Variants in SIGLEC1 observed in about 807,000 individuals in gnomAD.
The protein encoded by SIGLEC1 is sialic acid binding Ig like lectin 1.
SIGLEC1 carries 132 observed loss-of-function variants against 148.0 expected under a neutral mutation model. The ratio of observed to expected loss-of-function variants is 0.89; its 90% CI spans 0.77 to 1.03. SIGLEC1 has a LOEUF of 1.03. Among genes scored for constraint, SIGLEC1 ranks in the 50% least tolerant of loss-of-function variants. The pLI is 0.00. For missense variants in SIGLEC1, 2,253 were observed against 2,271.4 expected (o/e 0.99, Z 0.16); for synonymous variants, 945 against 969.0 (o/e 0.98, Z 0.46).
At position 3,692,730 on chromosome 20, in the gene SIGLEC1, C is replaced by T. The variant is rs776601369; in HGVS notation, c.3821G>A (p.Gly1274Asp). 4 of 1,612,228 alleles carry T rather than the reference C, an allele frequency of 2.5e-6. No individual in the cohort carries two copies. Among genetic ancestry groups the T allele is most frequent in the Non-Finnish European group, 3.4e-6 (4 of 1,179,684 alleles). The change falls in exon 16 of 22, where the codon GGT becomes GAT. Residue 1274 changes from glycine to aspartate, a missense_variant. By Grantham distance (94) the Gly-to-Asp change is moderately conservative. Coordinates refer to ENST00000344754, the MANE Select transcript of SIGLEC1 (RefSeq NM_023068.4). ...CGCACAGGTCACTGTGATGGGGGCA[C>T]CTTCAGGCACGGCAGCCTCCGGAGC... Reference protein sequence around the residue: ...ILAPEAAVPEGAPITVTCADP... With the variant: ...ILAPEAAVPEDAPITVTCADP...
chr20:3,697,934 G>A lies in SIGLEC1; in HGVS notation c.1986C>T (p.Arg662=). The A allele has an allele frequency of 3.1e-6, 5 of 1,612,954 alleles. No homozygotes were observed. The highest frequency in any genetic ancestry group is 4.2e-6 in the Non-Finnish European group (5 of 1,179,932). The change falls in exon 9 of 22, where the codon CGC becomes CGT. Residue 662 remains arginine (R), a synonymous_variant. Transcript: ENST00000344754. ...AGTTGGGGGCTTTGGTGACCTTCAT[G>A]CGTGGGGAACAGCCCCCACAGGTGC... The part of the protein sequence containing the change: ...GCSTCGGCSP[R]MKVTKAPNLL...
chr20:3,696,045 G>C (rs1417369632), intron 11 of SIGLEC1, among the ~76,000 whole-genome samples: 4 of 151,526 alleles, frequency 2.6e-5, no homozygotes, highest in Non-Finnish European at 4.4e-5. Context: ...TGATCCGCCC[G>C]CCTCAGCCTC....
Position 3,692,154 on chromosome 20 carries a change from C to A in SIGLEC1, c.4079G>T (p.Arg1360Ile). 6.3e-7 allele frequency: 1 copy of A among 1,586,072 alleles called. No homozygotes were observed. Among genetic ancestry groups the A allele is most frequent in the Non-Finnish European group, 8.6e-7 (1 of 1,165,264 alleles). The change falls in exon 17 of 22, where the codon AGA becomes ATA. Residue 1360 changes from arginine to isoleucine, a missense_variant. By Grantham distance (97) the Arg-to-Ile change is moderately conservative. Coordinates refer to ENST00000344754, the MANE Select transcript of SIGLEC1 (RefSeq NM_023068.4). ...AGTGCACTGTATCACAGCCATGGAT[C>A]TGGCCCTGGAGTCCCGGAAGGAGGA... is the stretch of plus-strand genomic sequence containing the variant. ...VLSSFRDSRA[R>I]SMAVIQCTVD...
rs767126749 is a variant in SIGLEC1 at position 3,706,561 on chromosome 20, G to T, written c.195C>A (p.Gly65=). The part of the protein sequence containing the change: ...ITAIWYYDYS[G]QRQVVSHSAD... ...CCGAGTGGCTCACCACCTGCCGCTG[G>T]CCCGAGTAGTCGTAGTACCAGATGG... The change falls in exon 3 of 22, where the codon GGC becomes GGA. Residue 65 remains glycine (G), a synonymous_variant. Transcript: ENST00000344754. The T allele has an allele frequency of 6.2e-6, 10 of 1,612,766 alleles. No individual in the cohort carries two copies. In the South Asian group the frequency reaches 9.9e-5, roughly 16 times the overall value.
intron 9 of SIGLEC1, 92 bp downstream of exon 9, chr20:3,697,704 CAG>C: frequency 1.7e-6 from 2 of 1,172,094 alleles, no homozygotes; most frequent in Non-Finnish European, 2.5e-6. Context: ...CACTGCTGCA[CAG>C]AGTGGTTTTG....
chr20:3,699,364 G>A lies in SIGLEC1; in HGVS notation c.1624C>T (p.Arg542Cys), dbSNP rs771683884. The change falls in exon 8 of 22, where the codon CGC becomes TGC. Residue 542 changes from arginine (R) to cysteine (C), a missense_variant. By Grantham distance (180) the Arg-to-Cys change is radical. Transcript: ENST00000344754. ...GCTCCATTCAGGTACCAGGAGAAGC[G>A]GGCATCAGGTGTGGGGCTTAGGCCG... ...RSGLSPTPDARFSWYLNGALL... is the reference protein window; with the variant it reads ...RSGLSPTPDACFSWYLNGALL... 16 of 1,608,714 alleles carry A rather than the reference G, an allele frequency of 9.9e-6. No individual in the cohort carries two copies. Among genetic ancestry groups the A allele is most frequent in the Middle Eastern group, 1.6e-4 (1 of 6,076 alleles).
intron 17 of SIGLEC1, 116 bp downstream of exon 17, chr20:3,691,787 C>T: frequency 7.2e-7 from 1 of 1,391,222 alleles, no homozygotes; most frequent in Non-Finnish European, 9.8e-7. Context: ...GATTAGGCTT[C>T]TCAAGGCAGA....
chr20:3,688,731 G>T (rs2088724314), intron 21 of SIGLEC1, 112 bp from the exon 22 acceptor site: 4 of 791,318 alleles, frequency 5.1e-6, no homozygotes, highest in Non-Finnish European at 8.0e-6. Context: ...GTGCATGGCT[G>T]GAAGTGTGAC....
chr20:3,696,785 G>A lies in SIGLEC1; in HGVS notation c.2484C>T (p.Ala828=), dbSNP rs754279069. 6.2e-7 allele frequency: 1 copy of A among 1,612,766 alleles called. No homozygotes were observed. Among genetic ancestry groups the A allele is most frequent in the Admixed American group, 1.7e-5 (1 of 59,984 alleles). ...TVDSRPLALL[A]LFHGEHLLAT... ...CCAGGAGGTGCTCCCCATGGAACAA[G>A]GCCAGCAAGGCCAGGGGGCGGCTGT... is the stretch of plus-strand genomic sequence containing the variant. The change falls in exon 11 of 22, where the codon GCC becomes GCT. Residue 828 remains alanine, a synonymous_variant. Transcript: ENST00000344754.
Position 3,698,125 on chromosome 20 carries a change from GAGGGGGGTCTGC to G in SIGLEC1, c.1787-4_1794del. ...AGCCTGGTGGTGAATGTTGGTTGTCGAGGGGGGTCTGCAGGGAGGAAGAACATGGGCACTCAT... is the reference window on the plus strand; with the variant it reads ...AGCCTGGTGGTGAATGTTGGTTGTCGAGGGAGGAAGAACATGGGCACTCAT... On this transcript the variant is annotated splice_acceptor_variant and splice_polypyrimidine_tract_variant and coding_sequence_variant and intron_variant, in exon 9 of 22. Coordinates refer to ENST00000344754, the MANE Select transcript of SIGLEC1 (RefSeq NM_023068.4). LOFTEE classifies it high-confidence loss of function. 6.3e-7 allele frequency: 1 copy of G among 1,594,546 alleles called. No homozygotes were observed. The highest frequency in any genetic ancestry group is 8.5e-7 in the Non-Finnish European group (1 of 1,172,994).
At position 3,705,765 on chromosome 20, in the gene SIGLEC1, C is replaced by G; in HGVS notation, c.685G>C (p.Glu229Gln). ...LSVANHRAQS[E>Q]IHLQVKYAPK... is the part of the protein sequence containing the mutation. ...TCACACTTCACTTGGAGGTGAATCTCGCTCTGAGCCCTGTGATTGGCCACG... is the reference window on the plus strand; with the variant it reads ...TCACACTTCACTTGGAGGTGAATCTGGCTCTGAGCCCTGTGATTGGCCACG... Residue 229 changes from glutamate to glutamine, a missense_variant, in exon 4 of 22, where the codon GAG (glutamate) becomes CAG (glutamine). Physicochemically the swap from Glu to Gln is conservative, Grantham distance 29. Transcript: ENST00000344754. 6.2e-7 allele frequency: 1 copy of G among 1,610,206 alleles called. No individual in the cohort carries two copies. Among genetic ancestry groups the G allele is most frequent in the Non-Finnish European group, 8.5e-7 (1 of 1,177,162 alleles).
intron 17 of SIGLEC1, 100 bp from the exon 18 acceptor site, chr20:3,691,700 GT>G: frequency 6.8e-7 from 1 of 1,477,028 alleles, no homozygotes; most frequent in Non-Finnish European, 9.2e-7. Flanking sequence ...TTGTGGGAAG[GT>G]CTCAGTCTGA....
chr20:3,696,139 C>T (rs71330209), intron 11 of SIGLEC1, among the ~76,000 whole-genome samples: 4 of 141,628 alleles, frequency 2.8e-5, no homozygotes, highest in East Asian at 1.9e-4. Flanking sequence ...TACACACACA[C>T]AAACACACAC....
intron 20 of SIGLEC1, 67 bp downstream of exon 20, chr20:3,689,533 T>G: frequency 8.9e-7 from 1 of 1,125,054 alleles, no homozygotes; most frequent in Non-Finnish European, 1.3e-6. Context: ...CCTGGGGGAA[T>G]TTGGGGAGAA....
Position 3,712,571 on chromosome 20 carries a change from T to C in SIGLEC1, c.-211A>G, listed in dbSNP as rs1304516266. Among the ~76,000 whole-genome samples, 1 of 152,128 alleles carries C rather than the reference T, an allele frequency of 6.6e-6. No individual in the cohort carries two copies. Among genetic ancestry groups the C allele is most frequent in the Non-Finnish European group, 1.5e-5 (1 of 68,006 alleles). ...TGGTGCAGCTGGCTCCCCAGGGCTC[T>C]GCCGGCTCAAGAGAGAAGGATCCCG... On this transcript the variant is annotated 5_prime_UTR_variant, in exon 1 of 22. Coordinates refer to ENST00000344754, the MANE Select transcript of SIGLEC1 (RefSeq NM_023068.4).
rs1156440854 is a variant in SIGLEC1, at chr20:3,703,946, T to C, written c.852A>G (p.Gln284=). The C allele has an allele frequency of 6.2e-7, 1 of 1,613,508 alleles. No individual in the cohort carries two copies. Among genetic ancestry groups the C allele is most frequent in the Non-Finnish European group, 8.5e-7 (1 of 1,179,720 alleles). Residue 284 remains glutamine (Q), a synonymous_variant, in exon 5 of 22, where the codon CAA becomes CAG. Transcript: ENST00000344754. ...GCAGGTGCAGCACACCAGTCTTGGT[T>C]TGGAGGCGTACCCCATCCTTGAGCC... ...IKWLKDGVRL[Q]TKTGVLHLPQ... is the part of the protein sequence containing the mutation.
At chr20:3,711,525 C>T (rs1015647853) in intron 1 of SIGLEC1, among the ~76,000 whole-genome samples, 3 of 152,144 alleles carry the variant, frequency 2.0e-5, no homozygotes, top group Non-Finnish European at 4.4e-5. Context: ...CAAGGCTTCT[C>T]CCCAACTTCC....
chr20:3,689,041 C>G (rs2088727407), intron 21 of SIGLEC1, 114 bp downstream of exon 21: 17 of 929,676 alleles, frequency 1.8e-5, no homozygotes, highest in Non-Finnish European at 2.8e-5. Flanking sequence ...CACACTCTCC[C>G]CAACCTCCCC....
At position 3,688,582 on chromosome 20, in the gene SIGLEC1, G is replaced by T. The variant is rs1402351678; in HGVS notation, c.5108C>A (p.Thr1703Asn). ...TGGTCAGCCCAGGGGTGGGGCACAG[G>T]TTGAGGTCTCACATGTGGCTGCATC... ...DPDAATCETS[T>N]CAPPLG The change falls in exon 22 of 22, where the codon ACC becomes AAC. Residue 1703 changes from threonine (T) to asparagine (N), a missense_variant. Coordinates refer to ENST00000344754, the MANE Select transcript of SIGLEC1 (RefSeq NM_023068.4). 6.2e-7 allele frequency: 1 copy of T among 1,602,862 alleles called. No individual in the cohort carries two copies. The highest frequency in any genetic ancestry group is 1.3e-5 in the African/African-American group (1 of 74,780).
Sources: gnomAD v4.1 joint callset for allele counts (sites outside exome capture counted in the v4.1 genomes callset) on GRCh38, gnomAD v4.1.1 for gene constraint, MANE v1.5 for transcripts, NCBI Gene and HGNC (gene_info 2026-07-23, HGNC 2026-07-21) for gene names.